ASB16: variants seen among roughly 807,000 people sequenced by gnomAD.
The protein encoded by ASB16 is ankyrin repeat and SOCS box protein 16.
In ASB16, 44 loss-of-function variants were observed where a neutral mutation model predicts 39.1. The ratio of observed to expected loss-of-function variants is 1.13; its 90% CI spans 0.88 to 1.45. ASB16 has a LOEUF of 1.45. Ranked by LOEUF, ASB16 falls within the 40% of genes most tolerant of loss-of-function variation. ASB16 has a pLI of 0.00. For synonymous variants in ASB16, 305 were observed against 286.7 expected, an observed-to-expected ratio of 1.06 and a Z score of -0.64; for missense variants, 698 against 634.5, an observed-to-expected ratio of 1.10 and a Z score of -1.07.
At chr17:44,177,880 C>G (rs1054805455) in intron 4 of ASB16, 158 bp downstream of exon 4, 6 of 993,744 alleles carry the variant, frequency 6.0e-6, no homozygotes, top group Non-Finnish European at 8.8e-6. Flanking sequence ...CCCCGGTACC[C>G]CAGGCTGACC....
At position 44,172,222 on chromosome 17, in the gene ASB16, C is replaced by T. The variant is rs36084440; in HGVS notation, c.478C>T (p.Arg160Trp). The T allele has an allele frequency of 8.7e-6, 14 of 1,613,548 alleles. No individual in the cohort carries two copies. Among genetic ancestry groups the T allele is most frequent in the East Asian group, 4.5e-5 (2 of 44,898 alleles). The change falls in exon 2 of 5, where the codon CGG (arginine) becomes TGG (tryptophan). Residue 160 changes from arginine (R) to tryptophan (W), a missense_variant. Transcript: ENST00000293414. The stretch of plus-strand genomic sequence containing the variant: ...TGCCCGAGCCCAGTTTGACTGTGTG[C>T]GGCTGCTGCTGACCTTCGGAGCCAA... ...ACARAQFDCVRLLLTFGAKAN... is the reference protein window; with the variant it reads ...ACARAQFDCVWLLLTFGAKAN...
intron 1 of ASB16, among the ~76,000 whole-genome samples, chr17:44,171,794 CAATT>C (rs1328920305): frequency 6.6e-6 from 1 of 152,008 alleles, no homozygotes; most frequent in African/African-American, 2.4e-5. Flanking sequence ...TTTTATACAG[CAATT>C]AATTTTTTTA....
In ASB16 at chr17:44,171,095, G is replaced by A. The variant is rs2144178528; in HGVS notation, c.301+5G>A. The A allele has an allele frequency of 3.1e-6, 5 of 1,611,090 alleles. No individual in the cohort carries two copies. The East Asian group carries it at 1.1e-4, about 36-fold the overall frequency. On this transcript the variant is annotated splice_donor_5th_base_variant and intron_variant, in intron 1 of 4. Coordinates refer to ENST00000293414, the MANE Select transcript of ASB16 (RefSeq NM_080863.5). ...TGGCCTGGTCGGCTGAACAGGGTAG[G>A]GGGCACCAGAAGAGGGCAGAAGAGG...
At position 44,170,788 on chromosome 17, in the gene ASB16, C is replaced by T. The variant is rs776397394; in HGVS notation, c.-2C>T. On this transcript the variant is annotated 5_prime_UTR_variant, in exon 1 of 5. Transcript: ENST00000293414. ...CACTGCCCAAACCCCTGGGCCCCAT[C>T]CATGGCAAGAGAGACCTTCCCCTTC... The T allele has an allele frequency of 1.3e-6, 2 of 1,587,122 alleles. No homozygotes were observed. The highest frequency in any genetic ancestry group is 1.7e-6 in the Non-Finnish European group (2 of 1,166,158).
chr17:44,178,275 G>A lies in ASB16; in HGVS notation c.1247G>A (p.Arg416Gln), dbSNP rs146000947. 3.2e-5 allele frequency: 51 copies of A among 1,613,234 alleles called. No individual in the cohort carries two copies. Among genetic ancestry groups the A allele is most frequent in the Non-Finnish European group, 3.6e-5 (43 of 1,179,918 alleles). ...NQPRQLQHLA[R>Q]LAVRARLGSR... is the part of the protein sequence containing the mutation. ...CCAAGGCAGCTGCAGCACCTGGCCC[G>A]ACTAGCTGTGCGCGCTCGGTTGGGA... The change falls in exon 5 of 5, where the codon CGA becomes CAA. Residue 416 changes from arginine (R) to glutamine (Q), a missense_variant. Physicochemically the swap from Arg to Gln is conservative, Grantham distance 43. Coordinates refer to ENST00000293414, the MANE Select transcript of ASB16 (RefSeq NM_080863.5).
rs1277129510 is a variant in ASB16 at position 44,177,091 on chromosome 17, C to G, written c.923C>G (p.Ala308Gly). 1 of 1,478,360 alleles carries G rather than the reference C, an allele frequency of 6.8e-7. No homozygotes were observed. Among genetic ancestry groups the G allele is most frequent in the Admixed American group, 2.5e-5 (1 of 39,322 alleles). 91.6% of individuals were successfully genotyped at this position (1,478,360 alleles called of 1,614,324 possible). The change falls in exon 3 of 5, where the codon GCC becomes GGC. Residue 308 changes from alanine to glycine, a missense_variant. Physicochemically the swap from Ala to Gly is moderately conservative, Grantham distance 60 (BLOSUM62 0). Transcript: ENST00000293414. Reference sequence around the variant, plus strand: ...GCCGAGCTGCTGCTGCGTTACGGGGCCCGCGCTGAGGTCCCCAATGGGGCG... The same window carrying G: ...GCCGAGCTGCTGCTGCGTTACGGGGGCCGCGCTGAGGTCCCCAATGGGGCG... ...GLAELLLRYG[A>G]RAEVPNGAGH...
chr17:44,174,324 C>T (rs577361646), intron 2 of ASB16, among the ~76,000 whole-genome samples: 3 of 152,016 alleles, frequency 2.0e-5, no homozygotes, highest in Admixed American at 6.6e-5. Flanking sequence ...GGATTACAGG[C>T]GTGAGCCACC....
intron 1 of ASB16, among the ~76,000 whole-genome samples, chr17:44,171,694 C>T (rs984917580): frequency 2.0e-5 from 3 of 152,046 alleles, no homozygotes; most frequent in African/African-American, 7.2e-5. Context: ...ACCCCAGGCC[C>T]CAAGGTGAAC....
chr17:44,173,315 C>G (rs1417283509), intron 2 of ASB16, among the ~76,000 whole-genome samples: 1 of 150,794 alleles, frequency 6.6e-6, no homozygotes, highest in Non-Finnish European at 1.5e-5. Context: ...ATCGCTTGAA[C>G]CCGGGATGCA....
chr17:44,177,913 G>A (rs776193565), intron 4 of ASB16, 191 bp downstream of exon 4: 1 of 751,664 alleles, frequency 1.3e-6, no homozygotes, highest in Non-Finnish European at 2.2e-6. Flanking sequence ...CACCTCTCCT[G>A]CCTCCCTCAC....
chr17:44,174,845 T>C lies in ASB16; in HGVS notation c.570-1893T>C, dbSNP rs536416115. On this transcript the variant is annotated intron_variant, in intron 2 of 4. Transcript: ENST00000293414. Reference sequence around the variant, plus strand: ...GAAGCCGGGCGTGGTGACTAACACCTGTAATCCCAGCACTTTGGGAGGCTG... The same window carrying C: ...GAAGCCGGGCGTGGTGACTAACACCCGTAATCCCAGCACTTTGGGAGGCTG... Among the ~76,000 whole-genome samples, 55 of 152,324 alleles carry C rather than the reference T, an allele frequency of 3.6e-4. 1 individual carries two copies. Among genetic ancestry groups the C allele is most frequent in the Non-Finnish European group, 1.6e-4 (11 of 68,024 alleles).
At chr17:44,174,189 G>A (rs185542486) in intron 2 of ASB16, among the ~76,000 whole-genome samples, 37 of 151,850 alleles carry the variant, frequency 2.4e-4, no homozygotes, top group Non-Finnish European at 3.2e-4. Flanking sequence ...ACAGGCTCCC[G>A]CCAACACGCC....
Position 44,176,722 on chromosome 17 carries a change from G to C in ASB16, c.570-16G>C, listed in dbSNP as rs762301933. The stretch of plus-strand genomic sequence containing the variant: ...CCTTCAGGATTTTCCTCAGGACCTT[G>C]CTCTCTTGTCCCCAGGTGCGCCAAG... On this transcript the variant is annotated splice_polypyrimidine_tract_variant and intron_variant, in intron 2 of 4. Coordinates refer to ENST00000293414, the MANE Select transcript of ASB16 (RefSeq NM_080863.5). 4 of 1,613,898 alleles carry C rather than the reference G, an allele frequency of 2.5e-6. No individual in the cohort carries two copies. The Admixed American group carries it at 6.7e-5, about 27-fold the overall frequency.
Position 44,170,894 on chromosome 17 carries a change from G to T in ASB16, c.105G>T (p.Gln35His). The T allele has an allele frequency of 6.2e-7, 1 of 1,612,030 alleles. No homozygotes were observed. The highest frequency in any genetic ancestry group is 1.7e-5 in the Admixed American group (1 of 59,986). Residue 35 changes from glutamine to histidine, a missense_variant, in exon 1 of 5, where the codon CAG becomes CAT. By Grantham distance (24) the Gln-to-His change is conservative. Transcript: ENST00000293414. ...ACCGGCGGCGGGCGGCTGCCCAGCAGTGCCGGAGCCGCAGGTGCCCGTCAA... is the reference window on the plus strand; with the variant it reads ...ACCGGCGGCGGGCGGCTGCCCAGCATTGCCGGAGCCGCAGGTGCCCGTCAA... ...WEDRRRAAAQ[Q>H]CRSRRCPSSP...
intron 2 of ASB16, among the ~76,000 whole-genome samples, chr17:44,173,190 C>T (rs2054257555): frequency 6.7e-6 from 1 of 149,828 alleles, no homozygotes; most frequent in Admixed American, 6.6e-5. Context: ...AGTTCAAGAC[C>T]AGCCTGGCCA....
Position 44,178,118 on chromosome 17 carries a change from T to A in ASB16, c.1177-87T>A, listed in dbSNP as rs2054326877. The A allele has an allele frequency of 2.8e-6, 4 of 1,414,912 alleles. No homozygotes were observed. In the Admixed American group the frequency reaches 7.1e-5, roughly 25 times the overall value. 87.6% of individuals were successfully genotyped at this position (1,414,912 alleles called of 1,614,324 possible). The stretch of plus-strand genomic sequence containing the variant: ...CACATGAAACACCCAGGTGGGTGCA[T>A]GCTGCAAAATCCCAGGACCCCCACC... On this transcript the variant is annotated intron_variant, in intron 4 of 4. Coordinates refer to ENST00000293414, the MANE Select transcript of ASB16 (RefSeq NM_080863.5).
At chr17:44,173,570 CT>C (rs2054260510) in intron 2 of ASB16, among the ~76,000 whole-genome samples, 1 of 140,536 alleles carries the variant, frequency 7.1e-6, no homozygotes, top group Non-Finnish European at 1.6e-5. Context: ...GCATGAGCCT[CT>C]AGTCCTAGCT....
At position 44,178,749 on chromosome 17, in the gene ASB16, A is replaced by G. The variant is rs2054337159; in HGVS notation, c.*359A>G. On this transcript the variant is annotated 3_prime_UTR_variant, in exon 5 of 5. Coordinates refer to ENST00000293414, the MANE Select transcript of ASB16 (RefSeq NM_080863.5). ...CTCCCAAAGTGTTGGGATTACAGGC[A>G]TGAGCCACTGCGCCTGGTTGCCTGC... The G allele has an allele frequency of 3.7e-6, 1 of 271,694 alleles. No individual in the cohort carries two copies. The highest frequency in any genetic ancestry group is 7.1e-6 in the Non-Finnish European group (1 of 140,278). 16.8% of individuals were successfully genotyped at this position (271,694 alleles called of 1,614,324 possible). A position where few individuals can be genotyped will look rare whatever the true frequency, so the allele number is the denominator to read the frequency against.
chr17:44,177,071 G>C lies in ASB16; in HGVS notation c.903G>C (p.Glu301Asp). The C allele has an allele frequency of 1.4e-6, 2 of 1,473,092 alleles. No homozygotes were observed. The highest frequency in any genetic ancestry group is 2.6e-5 in the South Asian group (2 of 75,560). 91.3% of individuals were successfully genotyped at this position (1,473,092 alleles called of 1,614,324 possible). The change falls in exon 3 of 5, where the codon GAG becomes GAC. Residue 301 changes from glutamate (E) to aspartate (D), a missense_variant. Glu to Asp is a conservative substitution (Grantham distance 45). Coordinates refer to ENST00000293414, the MANE Select transcript of ASB16 (RefSeq NM_080863.5). The part of the protein sequence containing the change: ...ACANGCGGLA[E>D]LLLRYGARAE... The stretch of plus-strand genomic sequence containing the variant: ...CCAACGGCTGCGGGGGCCTGGCCGA[G>C]CTGCTGCTGCGTTACGGGGCCCGCG...
Sources: allele counts gnomAD v4.1 joint callset (sites outside exome capture counted in the v4.1 genomes callset), GRCh38; gene constraint gnomAD v4.1.1; transcripts MANE v1.5; gene names NCBI Gene and HGNC (gene_info 2026-07-23, HGNC 2026-07-21).